Variants in FREM2 observed in about 807,000 individuals in gnomAD.
FREM2 encodes the protein FRAS1 related extracellular matrix 2, also known as FRAS1-related extracellular matrix protein 2.
A neutral mutation model predicts 219.9 loss-of-function variants in FREM2; 119 were observed. The ratio of observed to expected loss-of-function variants is 0.54; its 90% CI spans 0.47 to 0.63. FREM2 has a LOEUF of 0.63. FREM2 is among the 30% of genes least tolerant of loss of function. FREM2 has a pLI of 0.00. For missense variants in FREM2, 4,030 were observed against 3,993.6 expected (o/e 1.01, Z -0.25); for synonymous variants, 1,562 against 1,522.8 (o/e 1.03, Z -0.60).
chr13:38,853,352 C>T (rs1030890061), intron 11 of FREM2, among the ~76,000 whole-genome samples: 2 of 149,730 alleles, frequency 1.3e-5, no homozygotes, highest in South Asian at 2.1e-4. Context: ...CAGTTCTTCT[C>T]TCTCACTTGC....
chr13:38,858,939 C>T (rs1172253976), intron 13 of FREM2, among the ~76,000 whole-genome samples: 9 of 137,312 alleles, frequency 6.6e-5, no homozygotes, highest in African/African-American at 1.6e-4. Flanking sequence ...AAGAATCAGC[C>T]GAGTTCATGA....
rs1878410297 is a variant in FREM2 at position 38,878,156 on chromosome 13, C to T, written c.8694C>T (p.Val2898=). The T allele has an allele frequency of 6.2e-7, 1 of 1,613,566 alleles. No individual in the cohort carries two copies. Among genetic ancestry groups the T allele is most frequent in the Admixed American group, 1.7e-5 (1 of 60,018 alleles). ...FAEGDIIYGR[V]MVDPVQNLGD... is the part of the protein sequence containing the mutation. ...CAGGTGATATAATTTATGGTCGTGT[C>T]ATGGTGGATCCTGTCCAGAATCTGG... The change falls in exon 22 of 24, where the codon GTC becomes GTT. Residue 2898 remains valine, a synonymous_variant. Transcript: ENST00000280481.
At chr13:38,776,284 A>G (rs184489077) in intron 4 of FREM2, among the ~76,000 whole-genome samples, 6 of 152,336 alleles carry the variant, frequency 3.9e-5, no homozygotes, top group Admixed American at 3.3e-4. Flanking sequence ...CTTAAAGGCA[A>G]GGAACCATCA....
chr13:38,727,704 A>G (rs773907792), intron 2 of FREM2, among the ~76,000 whole-genome samples: 2 of 152,240 alleles, frequency 1.3e-5, no homozygotes, highest in Non-Finnish European at 2.9e-5. Flanking sequence ...AATGGTAGCA[A>G]GTATCTACGC....
chr13:38,794,165 C>G (rs899506052), intron 6 of FREM2, among the ~76,000 whole-genome samples: 2 of 151,950 alleles, frequency 1.3e-5, no homozygotes, highest in African/African-American at 2.4e-5. Flanking sequence ...AAAAGTGGAC[C>G]TAGTATGATT....
At chr13:38,796,737 A>G (rs970246850) in intron 6 of FREM2, among the ~76,000 whole-genome samples, 1 of 152,208 alleles carries the variant, frequency 6.6e-6, no homozygotes, top group Non-Finnish European at 1.5e-5. Context: ...ACACAAGTGC[A>G]GGTATTCCTT....
chr13:38,729,973 G>C (rs1008382381), intron 2 of FREM2, among the ~76,000 whole-genome samples: 3 of 152,218 alleles, frequency 2.0e-5, no homozygotes, highest in African/African-American at 7.2e-5. Context: ...GAAGTAGAGA[G>C]AGCAATTCTT....
Position 38,757,997 on chromosome 13 carries a change from G to A in FREM2, c.5264-6307G>A, listed in dbSNP as rs150936739. On this transcript the variant is annotated intron_variant, in intron 2 of 23. Transcript: ENST00000280481. ...ATGGTGAGGAGGGAGTGTTCAGAAGGAAGGGAGAAAATGATAGAACAATTA... is the reference window on the plus strand; with the variant it reads ...ATGGTGAGGAGGGAGTGTTCAGAAGAAAGGGAGAAAATGATAGAACAATTA... Among the ~76,000 whole-genome samples, 794 of 152,316 alleles carry A rather than the reference G, an allele frequency of 5.2e-3. 3 individuals are homozygous for A. Among genetic ancestry groups the A allele is most frequent in the Middle Eastern group, 0.01 (3 of 292 alleles).
At chr13:38,828,669 C>T (rs146917266) in intron 6 of FREM2, among the ~76,000 whole-genome samples, 1 of 151,906 alleles carries the variant, frequency 6.6e-6, no homozygotes, top group Non-Finnish European at 1.5e-5. Flanking sequence ...TATGATCTTG[C>T]CACTACACTG....
chr13:38,744,579 C>T (rs61949790), intron 2 of FREM2, among the ~76,000 whole-genome samples: 17,585 of 151,894 alleles, frequency 0.12, 1,137 homozygotes, highest in Middle Eastern at 0.23. Flanking sequence ...GCAACCTCCA[C>T]CTCCCGTGTT....
intron 6 of FREM2, among the ~76,000 whole-genome samples, chr13:38,821,508 G>A (rs1231765710): frequency 1.3e-5 from 2 of 152,088 alleles, no homozygotes; most frequent in Non-Finnish European, 2.9e-5. Flanking sequence ...AATGATGGAT[G>A]AAGCTTTTCC....
At position 38,688,414 on chromosome 13, in the gene FREM2, T is replaced by A; in HGVS notation, c.1070T>A (p.Phe357Tyr). 6.2e-7 allele frequency: 1 copy of A among 1,613,958 alleles called. No individual in the cohort carries two copies. The highest frequency in any genetic ancestry group is 1.1e-5 in the South Asian group (1 of 91,044). ...DAESPSDLLI[F>Y]NLTSPFQPGQ... Reference sequence around the variant, plus strand: ...GAGTCTCCCTCTGACCTGTTGATCTTCAACCTTACTTCTCCATTCCAGCCT... The same window carrying A: ...GAGTCTCCCTCTGACCTGTTGATCTACAACCTTACTTCTCCATTCCAGCCT... Residue 357 changes from phenylalanine (F) to tyrosine (Y), a missense_variant, in exon 1 of 24, where the codon TTC becomes TAC. Around this residue, in one of 2 missense-constraint regions of FREM2, gnomAD observed 3,102 missense variants for 2,950.7 expected, o/e 1.05. Coordinates refer to ENST00000280481, the MANE Select transcript of FREM2 (RefSeq NM_207361.6).
In FREM2 at chr13:38,859,293, A is replaced by G. The variant is rs1877670398; in HGVS notation, c.7222A>G (p.Asn2408Asp). Residue 2408 changes from asparagine to aspartate, a missense_variant, in exon 14 of 24, where the codon AAC becomes GAC. Coordinates refer to ENST00000280481, the MANE Select transcript of FREM2 (RefSeq NM_207361.6). ...GYPVICITAC[N>D]PKYSDYDKTG... ...AGTCATTTGTTTTCCGTAGGCTTGC[A>G]ACCCCAAATATTCAGACTACGATAA... is the stretch of plus-strand genomic sequence containing the variant. 8 of 1,614,168 alleles carry G rather than the reference A, an allele frequency of 5.0e-6. No individual in the cohort carries two copies. The highest frequency in any genetic ancestry group is 6.8e-6 in the Non-Finnish European group (8 of 1,180,006).
intron 2 of FREM2, among the ~76,000 whole-genome samples, chr13:38,708,910 C>T (rs1870648071): frequency 6.6e-6 from 1 of 152,058 alleles, no homozygotes; most frequent in South Asian, 2.1e-4. Context: ...CAGGTGCCCG[C>T]CATGACGCCC....
In FREM2 at chr13:38,864,449, C is replaced by T; in HGVS notation, c.7826C>T (p.Thr2609Ile). 6.2e-7 allele frequency: 1 copy of T among 1,614,178 alleles called. No homozygotes were observed. The highest frequency in any genetic ancestry group is 8.5e-7 in the Non-Finnish European group (1 of 1,180,012). The change falls in exon 16 of 24, where the codon ACA becomes ATA. Residue 2609 changes from threonine (T) to isoleucine (I), a missense_variant. This residue lies in a region of FREM2 where 928 missense variants were observed against 1,042.9 expected (regional missense o/e 0.89). Transcript: ENST00000280481. ...AAAAATCCAGAAATAATTGGAGAGA[C>T]ATATCCTTACCAGTACAGCTTGTCC... Reference protein sequence around the residue: ...ATKNPEIIGETYPYQYSLSIR... With the variant: ...ATKNPEIIGEIYPYQYSLSIR...
At chr13:38,798,644 A>G (rs545776076) in intron 6 of FREM2, among the ~76,000 whole-genome samples, 1 of 152,154 alleles carries the variant, frequency 6.6e-6, no homozygotes, top group African/African-American at 2.4e-5. Flanking sequence ...CAATCTTGCC[A>G]CACATTATTG....
intron 6 of FREM2, among the ~76,000 whole-genome samples, chr13:38,791,755 A>T (rs913813486): frequency 6.6e-6 from 1 of 152,178 alleles, no homozygotes; most frequent in Non-Finnish European, 1.5e-5. Flanking sequence ...TGAGATTTGC[A>T]TGGGGACACA....
chr13:38,707,198 T>A (rs1324155510), intron 2 of FREM2, among the ~76,000 whole-genome samples: 1 of 152,214 alleles, frequency 6.6e-6, no homozygotes, highest in Non-Finnish European at 1.5e-5. Flanking sequence ...TACCTTCAGA[T>A]GGTTTACACT....
At position 38,850,148 on chromosome 13, in the gene FREM2, T is replaced by C. The variant is rs886042926; in HGVS notation, c.6490T>C (p.Cys2164Arg). ...TGTCCAGTACAGATCTTCAGTGAGA[T>C]GCTACACCCGGCAGGGGTCTGCACA... The part of the protein sequence containing the change: ...GDVQYRSSVR[C>R]YTRQGSAQVM... Residue 2164 changes from cysteine (C) to arginine (R), a missense_variant, in exon 9 of 24, where the codon TGC (cysteine) becomes CGC (arginine). Transcript: ENST00000280481. 1 of 1,614,072 alleles carries C rather than the reference T, an allele frequency of 6.2e-7. No individual in the cohort carries two copies. Among genetic ancestry groups the C allele is most frequent in the Non-Finnish European group, 8.5e-7 (1 of 1,179,932 alleles).
Sources: gnomAD v4.1 joint callset for allele counts (sites outside exome capture counted in the v4.1 genomes callset) on GRCh38, gnomAD v4.1.1 for gene constraint, gnomAD v4.1.1 regional missense constraint, MANE v1.5 for transcripts, NCBI Gene and HGNC (gene_info 2026-07-23, HGNC 2026-07-21) for gene names.